Variants in KIFBP observed in about 807,000 individuals in gnomAD.
KIFBP encodes the protein kinesin family binding protein, also known as KIF-binding protein.
In KIFBP, 46 loss-of-function variants were observed where a neutral mutation model predicts 58.9. The ratio of observed to expected loss-of-function variants is 0.78; its 90% confidence interval spans 0.62 to 1.00. The LOEUF (loss-of-function observed/expected upper bound fraction) is 1.00. KIFBP is among the 50% of genes least tolerant of loss of function. The pLI, the probability that KIFBP is intolerant of heterozygous loss-of-function variation, is 0.00. For synonymous variants in KIFBP, 241 were observed against 283.4 expected (o/e 0.85, Z 1.50); for missense variants, 651 against 752.9 (o/e 0.86, Z 1.58).
intron 1 of KIFBP, chr10:68,989,684 T>A (rs189472988): frequency 5.2e-6 from 1 of 192,974 alleles, no homozygotes; most frequent in African/African-American, 2.4e-5. Flanking sequence ...TACATTCTTT[T>A]TTGGTTTTGT....
chr10:69,012,137 C>T (rs1843601452), intron 6 of KIFBP, among the ~76,000 whole-genome samples: 1 of 152,138 alleles, frequency 6.6e-6, no homozygotes, highest in Admixed American at 6.5e-5. Context: ...AGAGCATGGA[C>T]TTGAAATACA....
At chr10:68,991,548 G>T (rs1233907651) in intron 1 of KIFBP, 1 of 435,682 alleles carries the variant, frequency 2.3e-6, no homozygotes, top group East Asian at 6.6e-5. Flanking sequence ...ACAAAGCTAA[G>T]GCATTGGCAG....
At chr10:69,007,381 G>A (rs1250330734) in intron 4 of KIFBP, among the ~76,000 whole-genome samples, 1 of 152,134 alleles carries the variant, frequency 6.6e-6, no homozygotes, top group Admixed American at 6.6e-5. Flanking sequence ...TCTGATTCCA[G>A]TGATGAGGTT....
intron 1 of KIFBP, chr10:68,991,603 A>T (rs902400836): frequency 2.6e-5 from 9 of 351,032 alleles, no homozygotes; most frequent in African/African-American, 1.9e-4. Flanking sequence ...GCTAGCTGAC[A>T]TCCATCAAGG....
In KIFBP at chr10:69,005,770, C is replaced by T. The variant is rs768162943; in HGVS notation, c.644C>T (p.Ala215Val). 5.6e-6 allele frequency: 9 copies of T among 1,613,514 alleles called. No homozygotes were observed. The East Asian group carries it at 2.0e-4, about 36-fold the overall frequency. ...KVYTHNLYYL[A>V]QVYQHLEMFE... ...TATACTCATAACCTATATTACCTAGCTCAAGTCTACCAGCATCTGGAAATG... is the reference window on the plus strand; with the variant it reads ...TATACTCATAACCTATATTACCTAGTTCAAGTCTACCAGCATCTGGAAATG... The change falls in exon 4 of 7, where the codon GCT becomes GTT. Residue 215 changes from alanine to valine, a missense_variant. Ala to Val is a moderately conservative substitution (Grantham distance 64). Coordinates refer to ENST00000361983, the MANE Select transcript of KIFBP (RefSeq NM_015634.4).
At chr10:69,010,731 G>C (rs1031492391) in intron 5 of KIFBP, among the ~76,000 whole-genome samples, 169 bp from the exon 6 acceptor site, 1 of 152,172 alleles carries the variant, frequency 6.6e-6, no homozygotes, top group East Asian at 1.9e-4. Flanking sequence ...AGTGCTTCTG[G>C]GTAGTAGGAT....
chr10:68,996,679 C>T lies in KIFBP; in HGVS notation c.427-3745C>T, dbSNP rs1843410460. The stretch of plus-strand genomic sequence containing the variant: ...ACCAGCCTGGCCAACATGGTGAAAC[C>T]CCGTCTCTATTAAAAATACAAAAAT... On this transcript the variant is annotated intron_variant, in intron 1 of 6. Coordinates refer to ENST00000361983, the MANE Select transcript of KIFBP (RefSeq NM_015634.4). 2.7e-5 allele frequency among the ~76,000 whole-genome samples: 4 copies of T among 150,438 alleles called. No individual in the cohort carries two copies. The South Asian group carries it at 8.4e-4, about 32-fold the overall frequency.
Position 69,008,232 on chromosome 10 carries a change from T to G in KIFBP, c.790-609T>G, listed in dbSNP as rs9651309. ...TCAGGCCAGGAGTTGGAGACCTGTT[T>G]AGGCAACATAGAGAAACCCCAGAAT... On this transcript the variant is annotated intron_variant, in intron 4 of 6. Transcript: ENST00000361983. 4.6e-5 allele frequency among the ~76,000 whole-genome samples: 7 copies of G among 151,128 alleles called. No individual in the cohort carries two copies. In the East Asian group the frequency reaches 5.8e-4, roughly 13 times the overall value.
chr10:68,999,346 C>T (rs1843439689), intron 1 of KIFBP, among the ~76,000 whole-genome samples: 1 of 151,982 alleles, frequency 6.6e-6, no homozygotes, highest in African/African-American at 2.4e-5. Flanking sequence ...GATCTGCCTG[C>T]CTCGGCCTCC....
intron 1 of KIFBP, among the ~76,000 whole-genome samples, chr10:68,992,725 A>G (rs1843363366): frequency 6.6e-6 from 1 of 152,184 alleles, no homozygotes; most frequent in Admixed American, 6.5e-5. Flanking sequence ...AATCAGTTTA[A>G]GTAATGGAGT....
intron 1 of KIFBP, among the ~76,000 whole-genome samples, chr10:68,990,459 T>C (rs2255730): frequency 0.08 from 12,116 of 152,162 alleles, 666 homozygotes; most frequent in African/African-American, 0.15. Context: ...TAGGTTGAGC[T>C]GGGAGGATCA....
chr10:69,005,870 G>A lies in KIFBP; in HGVS notation c.744G>A (p.Glu248=), dbSNP rs1292594436. Residue 248 remains glutamate, a synonymous_variant, in exon 4 of 7, where the codon GAG becomes GAA. Coordinates refer to ENST00000361983, the MANE Select transcript of KIFBP (RefSeq NM_015634.4). ...AGCACAATGCCTACCATCCTATAGAGTGGGCTATCAATGCTGCTACCTTGT... is the reference window on the plus strand; with the variant it reads ...AGCACAATGCCTACCATCCTATAGAATGGGCTATCAATGCTGCTACCTTGT... ...QLEHNAYHPI[E]WAINAATLSQ... 2.5e-6 allele frequency: 4 copies of A among 1,614,116 alleles called. No individual in the cohort carries two copies. In the South Asian group the frequency reaches 3.3e-5, roughly 13 times the overall value.
At chr10:69,004,968 T>G in intron 2 of KIFBP, 78 bp from the exon 3 acceptor site, 1 of 955,194 alleles carries the variant, frequency 1.0e-6, no homozygotes, top group African/African-American at 1.6e-5. Context: ...GAAGTTGATT[T>G]CTCCAGGTCC....
intron 3 of KIFBP, 103 bp downstream of exon 3, chr10:69,005,228 CAG>C (rs1384389942): frequency 1.1e-6 from 1 of 870,746 alleles, no homozygotes; most frequent in African/African-American, 1.7e-5. Flanking sequence ...TGGATTCTGA[CAG>C]GAGTAAAACC....
intron 1 of KIFBP, among the ~76,000 whole-genome samples, chr10:68,992,224 C>T (rs1843357545): frequency 6.6e-6 from 1 of 152,116 alleles, no homozygotes. Flanking sequence ...AACTACTGAG[C>T]TCAGGCAATT....
rs772862957 is a variant in KIFBP at position 69,015,824 on chromosome 10, A to G, written c.1274A>G (p.Asp425Gly). ...YVTDHIEVVQ[D>G]HSALFKVLAF... is the part of the protein sequence containing the mutation. Reference sequence around the variant, plus strand: ...ACTGACCATATTGAAGTTGTCCAAGACCACAGTGCTCTGTTTAAGGTGCTT... The same window carrying G: ...ACTGACCATATTGAAGTTGTCCAAGGCCACAGTGCTCTGTTTAAGGTGCTT... Residue 425 changes from aspartate to glycine, a missense_variant, in exon 7 of 7, where the codon GAC becomes GGC. By Grantham distance (94) the Asp-to-Gly change is moderately conservative. Transcript: ENST00000361983. 2 of 1,614,088 alleles carry G rather than the reference A, an allele frequency of 1.2e-6. No homozygotes were observed. The highest frequency in any genetic ancestry group is 1.3e-5 in the African/African-American group (1 of 74,936).
chr10:69,016,182 G>A lies in KIFBP; in HGVS notation c.1632G>A (p.Met544Ile). ...HIGEDVLRPAMLAKFRVARLY... is the reference protein window; with the variant it reads ...HIGEDVLRPAILAKFRVARLY... ...GGGAAGATGTTCTTCGCCCTGCCAT[G>A]TTAGCTAAGTTTCGAGTTGCCCGTC... Residue 544 changes from methionine to isoleucine, a missense_variant, in exon 7 of 7, where the codon ATG becomes ATA. Met to Ile is a conservative substitution (Grantham distance 10). Coordinates refer to ENST00000361983, the MANE Select transcript of KIFBP (RefSeq NM_015634.4). 1 of 1,613,744 alleles carries A rather than the reference G, an allele frequency of 6.2e-7. No individual in the cohort carries two copies. The highest frequency in any genetic ancestry group is 1.1e-5 in the South Asian group (1 of 90,940).
chr10:69,005,971 A>T, intron 4 of KIFBP, 56 bp downstream of exon 4: 2 of 1,452,596 alleles, frequency 1.4e-6, no homozygotes, highest in Non-Finnish European at 1.9e-6. Flanking sequence ...ATAAAAATAG[A>T]ACCAGTAGTA....
chr10:69,010,812 A>G (rs1171250143), intron 5 of KIFBP, 88 bp from the exon 6 acceptor site: 1 of 837,652 alleles, frequency 1.2e-6, no homozygotes, highest in Non-Finnish European at 2.0e-6. Flanking sequence ...TTTTATAGTC[A>G]GGAAAAAGTG....
Sources: allele counts gnomAD v4.1 joint callset (sites outside exome capture counted in the v4.1 genomes callset), GRCh38; gene constraint gnomAD v4.1.1; transcripts MANE v1.5; gene names NCBI Gene and HGNC (gene_info 2026-07-23, HGNC 2026-07-21).